SHCBP1L: variants seen among roughly 807,000 people sequenced by gnomAD.
SHCBP1L encodes the protein SHC binding and spindle associated 1 like, also known as testicular spindle-associated protein SHCBP1L.
In SHCBP1L, 67 loss-of-function variants were observed where a neutral mutation model predicts 62.5. The observed-to-expected ratio is 1.07, with a 90% CI of 0.88 to 1.31. The LOEUF (loss-of-function observed/expected upper bound fraction) is 1.31, where lower values mean the gene tolerates loss of function less well. Among genes scored for constraint, SHCBP1L ranks in the 40% most tolerant of loss-of-function variants. The probability of loss-of-function intolerance (pLI) is 0.00; values close to 1 mark genes in which losing one functional copy is unlikely to be tolerated. For missense variants in SHCBP1L, 823 were observed against 809.8 expected (o/e 1.02, Z -0.20); for synonymous variants, 284 against 289.4 (o/e 0.98, Z 0.19).
At chr1:182,907,271 A>C (rs952502239) in intron 6 of SHCBP1L, among the ~76,000 whole-genome samples, 2 of 151,376 alleles carry the variant, frequency 1.3e-5, no homozygotes, top group South Asian at 4.2e-4. Context: ...CGTCTCTACT[A>C]AAAATATAAA....
rs764297420 is a variant in SHCBP1L at position 182,903,089 on chromosome 1, G to A, written c.1660C>T (p.Leu554Phe). The A allele has an allele frequency of 4.4e-6, 7 of 1,601,072 alleles. No homozygotes were observed. The highest frequency in any genetic ancestry group is 2.2e-5 in the South Asian group (2 of 88,912). The change falls in exon 9 of 10, where the codon CTC (leucine) becomes TTC (phenylalanine). Residue 554 changes from leucine (L) to phenylalanine (F), a missense_variant. Physicochemically the swap from Leu to Phe is conservative, Grantham distance 22 (BLOSUM62 0). Coordinates refer to ENST00000367547, the MANE Select transcript of SHCBP1L (RefSeq NM_030933.4). ...ERNEIHHCNN[L>F]RTSNSSKSTL... ...CTTTTTGAACTGTTACTGGTTCTGAGGTTATTACAGTGATGAATTTCATTT... is the reference window on the plus strand; with the variant it reads ...CTTTTTGAACTGTTACTGGTTCTGAAGTTATTACAGTGATGAATTTCATTT...
At chr1:182,924,703 A>AAGGAAAG (rs367726236) in intron 6 of SHCBP1L, among the ~76,000 whole-genome samples, 18 of 34,832 alleles carry the variant, frequency 5.2e-4, no homozygotes, top group African/African-American at 2.8e-3. Context: ...AAGGAAAGGA[A>AAGGAAAG]GAAAGAAAGA....
At chr1:182,949,988 G>A (rs2101961709) in intron 2 of SHCBP1L, among the ~76,000 whole-genome samples, 1 of 152,108 alleles carries the variant, frequency 6.6e-6, no homozygotes, top group South Asian at 2.1e-4. Flanking sequence ...TCACCATGGT[G>A]CTCAGGCTGG....
At chr1:182,938,105 GCTT>G (rs1445713741) in intron 5 of SHCBP1L, among the ~76,000 whole-genome samples, 1 of 152,088 alleles carries the variant, frequency 6.6e-6, no homozygotes, top group African/African-American at 2.4e-5. Flanking sequence ...TTGTCTTTGT[GCTT>G]CTTATTTTTT....
chr1:182,924,935 G>GAAAGAAAGA lies in SHCBP1L; in HGVS notation c.1182+4711_1182+4712insTCTTTCTTT, dbSNP rs1192815938. 2.1e-3 allele frequency among the ~76,000 whole-genome samples: 134 copies of GAAAGAAAGA among 62,376 alleles called. 2 individuals are homozygous for GAAAGAAAGA. Among genetic ancestry groups the GAAAGAAAGA allele is most frequent in the African/African-American group, 4.9e-3 (54 of 10,954 alleles). 40.9% of individuals were successfully genotyped at this position (62,376 alleles called of 152,430 possible). A position where few individuals can be genotyped will look rare whatever the true frequency, so the allele number is the denominator to read the frequency against. On this transcript the variant is annotated intron_variant, in intron 6 of 9. Coordinates refer to ENST00000367547, the MANE Select transcript of SHCBP1L (RefSeq NM_030933.4). ...AAAGGAAAGGAAGGAAGGAAGGAAGGAAGAAAGAAAGAAAGAAAGAAAGAA... is the reference window on the plus strand; with the variant it reads ...AAAGGAAAGGAAGGAAGGAAGGAAGGAAAGAAAGAAAGAAAGAAAGAAAGAAAGAAAGAA...
intron 2 of SHCBP1L, among the ~76,000 whole-genome samples, chr1:182,942,818 T>A (rs530164009): frequency 3.3e-5 from 5 of 152,326 alleles, no homozygotes; most frequent in African/African-American, 1.2e-4. Context: ...AAAAATATTT[T>A]AAATATCAGT....
intron 1 of SHCBP1L, chr1:182,952,495 C>T (rs1651810066): frequency 2.0e-6 from 1 of 497,184 alleles, no homozygotes; most frequent in African/African-American, 2.0e-5. Flanking sequence ...TCAGGGCTGT[C>T]CCGTTACCTG....
chr1:182,918,201 C>CAT lies in SHCBP1L; in HGVS notation c.1182+11444_1182+11445dup, dbSNP rs1255024764. 2.1e-5 allele frequency among the ~76,000 whole-genome samples: 3 copies of CAT among 145,940 alleles called. No homozygotes were observed. In the East Asian group the frequency reaches 5.9e-4, roughly 29 times the overall value. On this transcript the variant is annotated intron_variant, in intron 6 of 9. Coordinates refer to ENST00000367547, the MANE Select transcript of SHCBP1L (RefSeq NM_030933.4). Reference sequence around the variant, plus strand: ...ATACATATATATACACATATATATACATATATATACACATATATATACACA... The same window carrying CAT: ...ATACATATATATACACATATATATACATATATATATACACATATATATACACA...
intron 5 of SHCBP1L, among the ~76,000 whole-genome samples, chr1:182,930,342 G>C (rs1041530953): frequency 6.6e-6 from 1 of 150,870 alleles, no homozygotes; most frequent in Admixed American, 6.6e-5. Context: ...TTTCCTGTTC[G>C]TATCTCTATC....
At chr1:182,900,300 A>T in intron 9 of SHCBP1L, 66 bp from the exon 10 acceptor site, 1 of 1,313,082 alleles carries the variant, frequency 7.6e-7, no homozygotes, top group Non-Finnish European at 1.0e-6. Flanking sequence ...TAATGAACAT[A>T]TAAAAATTAG....
In SHCBP1L at chr1:182,948,337, T is replaced by C. The variant is rs1393653166; in HGVS notation, c.555+2981A>G. The stretch of plus-strand genomic sequence containing the variant: ...CATGGCAAAATGGACTTCACAGATG[T>C]GATTACAACTAAAGACATTGAGATG... On this transcript the variant is annotated intron_variant, in intron 2 of 9. Transcript: ENST00000367547. 2.6e-5 allele frequency among the ~76,000 whole-genome samples: 4 copies of C among 152,220 alleles called. No homozygotes were observed. The East Asian group carries it at 7.7e-4, about 29-fold the overall frequency.
intron 7 of SHCBP1L, 53 bp downstream of exon 7, chr1:182,905,443 A>G: frequency 6.5e-7 from 1 of 1,538,002 alleles, no homozygotes; most frequent in Non-Finnish European, 8.8e-7. Context: ...AGAATACACA[A>G]TTTGTCCAGT....
chr1:182,918,057 CCT>C (rs369505295), intron 6 of SHCBP1L, among the ~76,000 whole-genome samples: 14 of 149,486 alleles, frequency 9.4e-5, no homozygotes, highest in Non-Finnish European at 1.5e-4. Flanking sequence ...TATATACTCT[CCT>C]CTCTCTCTCT....
At chr1:182,931,424 G>A (rs1472004630) in intron 5 of SHCBP1L, among the ~76,000 whole-genome samples, 2 of 152,086 alleles carry the variant, frequency 1.3e-5, no homozygotes, top group Non-Finnish European at 2.9e-5. Context: ...TTCATTTTAA[G>A]TGAACTATTC....
At chr1:182,937,010 C>T (rs186317488) in intron 5 of SHCBP1L, among the ~76,000 whole-genome samples, 12 of 152,086 alleles carry the variant, frequency 7.9e-5, no homozygotes, top group African/African-American at 1.9e-4. Context: ...GCCATGATCA[C>T]GTCACTGCAC....
chr1:182,904,579 G>A (rs930897623), intron 7 of SHCBP1L, 149 bp from the exon 8 acceptor site: 25 of 840,694 alleles, frequency 3.0e-5, no homozygotes, highest in East Asian at 5.4e-5. Flanking sequence ...GTGTGTGTGC[G>A]CATGCGCATT....
At chr1:182,914,785 A>T (rs10465477) in intron 6 of SHCBP1L, among the ~76,000 whole-genome samples, 35,595 of 152,106 alleles carry the variant, frequency 0.23, 7,325 homozygotes, top group African/African-American at 0.56. Flanking sequence ...TTATCAGTAA[A>T]CATTTTAAAT....
intron 6 of SHCBP1L, among the ~76,000 whole-genome samples, chr1:182,908,040 CCAAT>C (rs777239244): frequency 7.8e-4 from 119 of 152,236 alleles, no homozygotes; most frequent in Non-Finnish European, 1.4e-3. Flanking sequence ...TATTCATATG[CCAAT>C]CAATCATACC....
intron 2 of SHCBP1L, among the ~76,000 whole-genome samples, chr1:182,941,812 C>G (rs938456607): frequency 6.6e-6 from 1 of 152,082 alleles, no homozygotes; most frequent in African/African-American, 2.4e-5. Flanking sequence ...AAAAACTAAC[C>G]CCCCACCTAT....
Sources: allele counts gnomAD v4.1 joint callset (sites outside exome capture counted in the v4.1 genomes callset), GRCh38; gene constraint gnomAD v4.1.1; transcripts MANE v1.5; gene names NCBI Gene and HGNC (gene_info 2026-07-23, HGNC 2026-07-21).